The following KCNJ3 variants were observed in gnomAD, a reference collection of about 807,000 sequenced individuals.
KCNJ3 encodes G protein-activated inward rectifier potassium channel 1.
In KCNJ3, 4 loss-of-function variants were observed where a neutral mutation model predicts 39.2. The ratio of observed to expected loss-of-function variants is 0.10; its 90% CI spans 0.05 to 0.23. The LOEUF is 0.23. KCNJ3 is among the 10% of genes least tolerant of loss of function. KCNJ3 has a pLI of 1.00. For missense variants in KCNJ3, 276 were observed against 634.9 expected, an observed-to-expected ratio of 0.43 and a Z score of 6.08; for synonymous variants, 230 against 237.4, an observed-to-expected ratio of 0.97 and a Z score of 0.29.
chr2:154,797,895 C>G (rs1476617803), intron 2 of KCNJ3, among the ~76,000 whole-genome samples: 1 of 151,994 alleles, frequency 6.6e-6, no homozygotes, highest in Non-Finnish European at 1.5e-5. Flanking sequence ...GGGTAGAATA[C>G]AGTATTGTTA....
At chr2:154,837,136 T>A (rs193153440) in intron 2 of KCNJ3, among the ~76,000 whole-genome samples, 1 of 152,322 alleles carries the variant, frequency 6.6e-6, no homozygotes, top group East Asian at 1.9e-4. Context: ...TGCATGACGA[T>A]AAAGCCAACT....
intron 2 of KCNJ3, among the ~76,000 whole-genome samples, chr2:154,716,276 ATTTT>A (rs535989708): frequency 0.25 from 28,976 of 115,524 alleles, 3,037 homozygotes; most frequent in Non-Finnish European, 0.3. Flanking sequence ...CGGCCGGCTA[ATTTT>A]TTTTTTTTTT....
Position 154,766,723 on chromosome 2 carries a change from T to TCGGA in KCNJ3, c.919+56904_919+56905insCGGA, listed in dbSNP as rs5835540. On this transcript the variant is annotated intron_variant, in intron 2 of 2. Transcript: ENST00000295101. ...GGCACATGCCATCATGCCTGGCTAA[T>TCGGA]TTTTGTATTTTCAGTAGAGATGGGG... Among the ~76,000 whole-genome samples the TCGGA allele has an allele frequency of 1.4e-4, 21 of 152,098 alleles. No individual in the cohort carries two copies. The East Asian group carries it at 3.5e-3, about 25-fold the overall frequency.
At chr2:154,829,519 C>CCAGT (rs1687327188) in intron 2 of KCNJ3, among the ~76,000 whole-genome samples, 1 of 152,134 alleles carries the variant, frequency 6.6e-6, no homozygotes, top group African/African-American at 2.4e-5. Flanking sequence ...CTTTTAAAAT[C>CCAGT]CAGTCAACCA....
At chr2:154,759,936 T>C (rs2961963) in intron 2 of KCNJ3, among the ~76,000 whole-genome samples, 76,327 of 152,030 alleles carry the variant, frequency 0.5, 19,353 homozygotes, top group African/African-American at 0.53. Flanking sequence ...CACTGAAATC[T>C]GTATCATTTT....
intron 2 of KCNJ3, among the ~76,000 whole-genome samples, chr2:154,788,361 T>G (rs1686570314): frequency 6.6e-6 from 1 of 152,138 alleles, no homozygotes; most frequent in South Asian, 2.1e-4. Context: ...TGAATATAAG[T>G]TCATGAGCAG....
chr2:154,828,511 C>G (rs1687307701), intron 2 of KCNJ3, among the ~76,000 whole-genome samples: 1 of 152,160 alleles, frequency 6.6e-6, no homozygotes, highest in Non-Finnish European at 1.5e-5. Flanking sequence ...TTTGTCGAGA[C>G]TGGTCAAGAG....
chr2:154,829,596 T>C (rs1212080868), intron 2 of KCNJ3, among the ~76,000 whole-genome samples: 6 of 152,166 alleles, frequency 3.9e-5, no homozygotes, highest in African/African-American at 1.2e-4. Flanking sequence ...AACATATGTG[T>C]GCATGTGTCA....
intron 2 of KCNJ3, among the ~76,000 whole-genome samples, chr2:154,807,732 G>A (rs1005313338): frequency 1.3e-5 from 2 of 152,130 alleles, no homozygotes; most frequent in African/African-American, 2.4e-5. Context: ...TCAAGTCATG[G>A]CCACCACCAC....
At chr2:154,800,793 C>G (rs1686805741) in intron 2 of KCNJ3, among the ~76,000 whole-genome samples, 1 of 152,134 alleles carries the variant, frequency 6.6e-6, no homozygotes, top group Non-Finnish European at 1.5e-5. Flanking sequence ...CACTGCTGTG[C>G]TGTTCTATAG....
chr2:154,716,118 A>G (rs1370690439), intron 2 of KCNJ3, among the ~76,000 whole-genome samples: 1 of 151,284 alleles, frequency 6.6e-6, no homozygotes, highest in African/African-American at 2.4e-5. Context: ...TTATTTTGAG[A>G]TGGAGTCTCA....
chr2:154,751,961 C>A (rs1344749334), intron 2 of KCNJ3, among the ~76,000 whole-genome samples: 1 of 152,016 alleles, frequency 6.6e-6, no homozygotes, highest in Non-Finnish European at 1.5e-5. Flanking sequence ...GACTCCTTTG[C>A]CAATACAGTC....
chr2:154,815,733 A>G (rs762493393), intron 2 of KCNJ3, among the ~76,000 whole-genome samples: 2 of 152,182 alleles, frequency 1.3e-5, no homozygotes, highest in South Asian at 2.1e-4. Context: ...CCCTGATTCA[A>G]TTCTTAATAT....
intron 2 of KCNJ3, among the ~76,000 whole-genome samples, chr2:154,842,957 T>A (rs1314969804): frequency 6.6e-6 from 1 of 152,232 alleles, no homozygotes; most frequent in Non-Finnish European, 1.5e-5. Context: ...AATATTGTTA[T>A]GTGTGAATTT....
At chr2:154,787,643 C>T (rs757760482) in intron 2 of KCNJ3, among the ~76,000 whole-genome samples, 1 of 152,120 alleles carries the variant, frequency 6.6e-6, no homozygotes, top group African/African-American at 2.4e-5. Flanking sequence ...ATGGCAAAGC[C>T]ATATCTCGGT....
At chr2:154,752,385 C>T (rs923681297) in intron 2 of KCNJ3, among the ~76,000 whole-genome samples, 1 of 151,554 alleles carries the variant, frequency 6.6e-6, no homozygotes, top group African/African-American at 2.4e-5. Flanking sequence ...ATGAATATAT[C>T]TAAGAAAGAA....
intron 2 of KCNJ3, among the ~76,000 whole-genome samples, chr2:154,797,399 T>C (rs1686737607): frequency 6.6e-6 from 1 of 152,198 alleles, no homozygotes; most frequent in East Asian, 1.9e-4. Context: ...AAATGTCTTC[T>C]TTTTAAAATA....
At chr2:154,718,951 C>T (rs1241302599) in intron 2 of KCNJ3, among the ~76,000 whole-genome samples, 1 of 152,000 alleles carries the variant, frequency 6.6e-6, no homozygotes, top group Non-Finnish European at 1.5e-5. Flanking sequence ...AATGTAAGCA[C>T]AGGAAAATTG....
intron 2 of KCNJ3, among the ~76,000 whole-genome samples, chr2:154,765,546 G>A (rs1475218050): frequency 2.0e-5 from 3 of 152,194 alleles, no homozygotes; most frequent in South Asian, 4.1e-4. Context: ...TGAACTGAAT[G>A]ATCTTTGATT....
Sources: allele counts gnomAD v4.1 joint callset (sites outside exome capture counted in the v4.1 genomes callset), GRCh38; gene constraint gnomAD v4.1.1; transcripts MANE v1.5; gene names NCBI Gene and HGNC (gene_info 2026-07-23, HGNC 2026-07-21).